Variants in ZSCAN30 observed in about 807,000 individuals in gnomAD.
The protein encoded by ZSCAN30 is zinc finger and SCAN domain-containing protein 30.
A neutral mutation model predicts 44.3 loss-of-function variants in ZSCAN30; 37 were observed. The ratio of observed to expected loss-of-function variants is 0.84; its 90% confidence interval spans 0.64 to 1.10. ZSCAN30 has a LOEUF of 1.10. ZSCAN30 is among the 50% of genes least tolerant of loss of function. The probability of loss-of-function intolerance (pLI) is 0.00; values close to 1 mark genes in which losing one functional copy is unlikely to be tolerated. For missense variants in ZSCAN30, 549 were observed against 582.6 expected, an observed-to-expected ratio of 0.94 and a Z score of 0.59; for synonymous variants, 181 against 204.6, an observed-to-expected ratio of 0.88 and a Z score of 0.98.
intron 3 of ZSCAN30, chr18:35,263,014 A>C (rs2044058767): frequency 5.6e-6 from 1 of 179,158 alleles, no homozygotes; most frequent in South Asian, 8.5e-5. Flanking sequence ...AAATGTATTC[A>C]TCTCCATCTT....
In ZSCAN30 at chr18:35,263,257, GAAAAAA is replaced by G. The variant is rs2044066404; in HGVS notation, c.553+250_553+255del. The stretch of plus-strand genomic sequence containing the variant: ...AGACCCCATCTAAAAAAAAAAAAAA[GAAAAAA>G]GAAAAAGAAAAAAAATAATTATGGG... On this transcript the variant is annotated intron_variant, in intron 3 of 3. Coordinates refer to ENST00000333206, the MANE Select transcript of ZSCAN30 (RefSeq NM_001112734.4). The G allele has an allele frequency of 2.0e-5, 8 of 404,230 alleles. No homozygotes were observed. In the South Asian group the frequency reaches 3.3e-4, roughly 16 times the overall value. The allele number at this position is 404,230 out of a possible 1,614,324, so 25.0% of individuals were successfully genotyped here.
chr18:35,263,942 T>A lies in ZSCAN30; in HGVS notation c.408+3A>T. 6.2e-7 allele frequency: 1 copy of A among 1,613,304 alleles called. No homozygotes were observed. Reference sequence around the variant, plus strand: ...CAAACAAACAAAAATGTTTACTTCTTACCTGTTGCCTTGGCTCCTCCAGTT... The same window carrying A: ...CAAACAAACAAAAATGTTTACTTCTAACCTGTTGCCTTGGCTCCTCCAGTT... On this transcript the variant is annotated splice_donor_region_variant and intron_variant, in intron 2 of 3. Transcript: ENST00000333206.
chr18:35,285,736 A>T (rs1267827472), intron 1 of ZSCAN30, among the ~76,000 whole-genome samples: 1 of 152,126 alleles, frequency 6.6e-6, no homozygotes, highest in Admixed American at 6.5e-5. Flanking sequence ...TATAGCACCA[A>T]ATTTCTATAA....
At chr18:35,265,421 C>A (rs78444067) in intron 1 of ZSCAN30, among the ~76,000 whole-genome samples, 1,629 of 152,274 alleles carry the variant, frequency 0.011, 31 homozygotes, top group African/African-American at 0.037. Flanking sequence ...TTCTTAAAAG[C>A]CAAGTAATTT....
At chr18:35,256,100 A>C (rs1295822574) in intron 3 of ZSCAN30, among the ~76,000 whole-genome samples, 1 of 152,220 alleles carries the variant, frequency 6.6e-6, no homozygotes, top group East Asian at 1.9e-4. Context: ...AAATTCTGTA[A>C]CTATATGAAG....
At chr18:35,256,778 GT>G (rs1449599364) in intron 3 of ZSCAN30, among the ~76,000 whole-genome samples, 1 of 141,976 alleles carries the variant, frequency 7.0e-6, no homozygotes, top group African/African-American at 3.0e-5. Flanking sequence ...TGTTGTTGTT[GT>G]TTGTTTGTTT....
intron 1 of ZSCAN30, among the ~76,000 whole-genome samples, chr18:35,271,503 G>T (rs1242058898): frequency 1.3e-5 from 2 of 152,414 alleles, no homozygotes; most frequent in East Asian, 3.9e-4. Flanking sequence ...ACTAGACACA[G>T]AGTGCTGATT....
chr18:35,256,107 G>A (rs1316524376), intron 3 of ZSCAN30, among the ~76,000 whole-genome samples: 1 of 152,128 alleles, frequency 6.6e-6, no homozygotes, highest in African/African-American at 2.4e-5. Context: ...GTAACTATAT[G>A]AAGTCAAATT....
chr18:35,257,282 A>C (rs2043862652), intron 3 of ZSCAN30: 1 of 152,528 alleles, frequency 6.6e-6, no homozygotes. Flanking sequence ...CTGCCCACCC[A>C]GTTCCCCTTT....
intron 1 of ZSCAN30, chr18:35,270,318 A>C (rs910607865): frequency 1.1e-4 from 17 of 152,340 alleles, no homozygotes; most frequent in African/African-American, 4.1e-4. Flanking sequence ...AGGCAGAAAT[A>C]GGGGAACGAG....
chr18:35,266,187 G>T (rs1457163366), intron 1 of ZSCAN30, among the ~76,000 whole-genome samples: 3 of 152,184 alleles, frequency 2.0e-5, no homozygotes, highest in African/African-American at 7.2e-5. Flanking sequence ...GAGCAGCCAG[G>T]TTAAGAACCC....
In ZSCAN30 at chr18:35,251,772, G is replaced by C. The variant is rs959715897; in HGVS notation, c.*1678C>G. ...AGTTTCCTGAGGCCTCCCCAGCCCT[G>C]CAGAACTGTCAGTCAATTAAACCTC... On this transcript the variant is annotated 3_prime_UTR_variant, in exon 4 of 4. Coordinates refer to ENST00000333206, the MANE Select transcript of ZSCAN30 (RefSeq NM_001112734.4). 5 of 151,716 alleles carry C rather than the reference G, an allele frequency of 3.3e-5. No individual in the cohort carries two copies. The highest frequency in any genetic ancestry group is 7.4e-5 in the Non-Finnish European group (5 of 67,992). The allele number at this position is 151,716 out of a possible 1,614,324, so 9.4% of individuals were successfully genotyped here.
intron 3 of ZSCAN30, among the ~76,000 whole-genome samples, chr18:35,255,505 A>T (rs558625541): frequency 2.0e-4 from 31 of 152,132 alleles, no homozygotes; most frequent in Non-Finnish European, 3.8e-4. Flanking sequence ...CATTCTTAAC[A>T]TCAAAACTTG....
chr18:35,261,487 A>G (rs758583979), intron 3 of ZSCAN30: 1 of 152,252 alleles, frequency 6.6e-6, no homozygotes, highest in South Asian at 2.1e-4. Context: ...ATCCATAAGC[A>G]TGGAATGTTT....
At chr18:35,258,285 G>A in intron 3 of ZSCAN30, 1 of 355,746 alleles carries the variant, frequency 2.8e-6, no homozygotes, top group Non-Finnish European at 5.2e-6. Flanking sequence ...ATTTTGCTAA[G>A]TCCAAGGACA....
At position 35,252,951 on chromosome 18, in the gene ZSCAN30, ATAT is replaced by A. The variant is rs1355057267; in HGVS notation, c.*496_*498del. 1 of 153,654 alleles carries A rather than the reference ATAT, an allele frequency of 6.5e-6. No individual in the cohort carries two copies. The highest frequency in any genetic ancestry group is 1.4e-5 in the Non-Finnish European group (1 of 69,106). The allele number at this position is 153,654 out of a possible 1,614,324, so 9.5% of individuals were successfully genotyped here. A position where few individuals can be genotyped will look rare whatever the true frequency, so the allele number is the denominator to read the frequency against. ...CTCAGGTACTATTTTACTGCCTCAG[ATAT>A]TATTAAACTAATAGCATAATTCAAT... On this transcript the variant is annotated 3_prime_UTR_variant, in exon 4 of 4. Coordinates refer to ENST00000333206, the MANE Select transcript of ZSCAN30 (RefSeq NM_001112734.4).
chr18:35,269,135 A>T (rs1389454414), intron 1 of ZSCAN30: 1 of 152,392 alleles, frequency 6.6e-6, no homozygotes, highest in Middle Eastern at 3.4e-3. Context: ...ACAACGGCCA[A>T]TGACTGGAAG....
intron 3 of ZSCAN30, chr18:35,255,815 T>A (rs899439206): frequency 6.5e-6 from 1 of 154,368 alleles, no homozygotes; most frequent in Admixed American, 6.5e-5. Flanking sequence ...GGATTTTAGA[T>A]AGAAATTTAA....
At position 35,264,216 on chromosome 18, in the gene ZSCAN30, A is replaced by T; in HGVS notation, c.137T>A (p.Val46Glu). The change falls in exon 2 of 4, where the codon GTA (valine) becomes GAA (glutamate). Residue 46 changes from valine (V) to glutamate (E), a missense_variant. Physicochemically the swap from Val to Glu is moderately radical, Grantham distance 121. Coordinates refer to ENST00000333206, the MANE Select transcript of ZSCAN30 (RefSeq NM_001112734.4). ...AAACTGCCTGAACTTCTGCCGGAAT[A>T]CCTCTTGGCTCCAGGGGTTTTCCTG... ...GLQENPWSQE[V>E]FRQKFRQFSY... The T allele has an allele frequency of 4.3e-6, 7 of 1,614,150 alleles. No individual in the cohort carries two copies. The highest frequency in any genetic ancestry group is 5.9e-6 in the Non-Finnish European group (7 of 1,180,016).
Sources: allele counts gnomAD v4.1 joint callset (sites outside exome capture counted in the v4.1 genomes callset), GRCh38; gene constraint gnomAD v4.1.1; transcripts MANE v1.5; gene names NCBI Gene and HGNC (gene_info 2026-07-23, HGNC 2026-07-21).